Variants in TLK1 observed in about 807,000 individuals in gnomAD.
The protein encoded by TLK1 is tousled like kinase 1.
TLK1 carries 24 observed loss-of-function variants against 105.3 expected under a neutral mutation model. The ratio of observed to expected loss-of-function variants is 0.23; its 90% CI spans 0.17 to 0.32. The LOEUF is 0.32. Among genes scored for constraint, TLK1 ranks in the 10% least tolerant of loss-of-function variants. TLK1 has a pLI of 1.00. For synonymous variants in TLK1, 321 were observed against 310.4 expected (o/e 1.03, Z -0.36); for missense variants, 558 against 910.5 (o/e 0.61, Z 4.98).
At chr2:171,042,993 G>T (rs909122776) in intron 11 of TLK1, among the ~76,000 whole-genome samples, 1 of 151,918 alleles carries the variant, frequency 6.6e-6, no homozygotes, top group Non-Finnish European at 1.5e-5. Context: ...GGTTAAACAT[G>T]GTGAGACATG....
At chr2:171,227,568 CTTTTTTTTTTTTTT>C (rs71401413) in intron 1 of TLK1, among the ~76,000 whole-genome samples, 63 of 55,524 alleles carry the variant, frequency 1.1e-3, no homozygotes, top group African/African-American at 3.3e-3. Context: ...AGTAAATCTC[CTTTTTTTTTTTTTT>C]TTTTTTTTTT....
At chr2:171,124,790 C>G (rs1032827215) in intron 1 of TLK1, among the ~76,000 whole-genome samples, 1 of 152,198 alleles carries the variant, frequency 6.6e-6, no homozygotes, top group African/African-American at 2.4e-5. Context: ...AGTGTTTTCT[C>G]AGCTTTGAAA....
intron 1 of TLK1, among the ~76,000 whole-genome samples, chr2:171,189,248 G>T (rs1333356429): frequency 6.6e-6 from 1 of 150,780 alleles, no homozygotes; most frequent in Non-Finnish European, 1.5e-5. Context: ...CTCACTGCAG[G>T]CTCCACCTCC....
chr2:171,123,405 G>T (rs898319802), intron 1 of TLK1, among the ~76,000 whole-genome samples: 5 of 152,018 alleles, frequency 3.3e-5, no homozygotes, highest in African/African-American at 9.7e-5. Context: ...GTTTCACCAT[G>T]TTGGCCAAGC....
intron 1 of TLK1, chr2:171,155,570 A>G (rs1692201543): frequency 6.6e-6 from 1 of 152,192 alleles, no homozygotes; most frequent in Non-Finnish European, 1.5e-5. Context: ...GGGATTTTTA[A>G]AAAATCACAG....
intron 3 of TLK1, chr2:171,066,787 C>T: frequency 2.0e-6 from 3 of 1,522,872 alleles, no homozygotes; most frequent in Non-Finnish European, 2.7e-6. Flanking sequence ...ATTTGTTAAA[C>T]AGTATATACT....
intron 1 of TLK1, among the ~76,000 whole-genome samples, chr2:171,222,802 A>G (rs1693831735): frequency 1.4e-5 from 2 of 144,522 alleles, no homozygotes; most frequent in Non-Finnish European, 3.0e-5. Flanking sequence ...ATTATTAACT[A>G]TAGTCTATTT....
intron 1 of TLK1, among the ~76,000 whole-genome samples, chr2:171,166,123 T>C (rs1032633088): frequency 6.6e-6 from 1 of 152,242 alleles, no homozygotes; most frequent in African/African-American, 2.4e-5. Context: ...AAGCTACAAG[T>C]TAGAGCTGCT....
intron 1 of TLK1, among the ~76,000 whole-genome samples, chr2:171,207,620 G>A (rs1370541175): frequency 6.6e-6 from 1 of 152,168 alleles, no homozygotes; most frequent in Non-Finnish European, 1.5e-5. Flanking sequence ...GTTTGGAGAT[G>A]GGGGGATATA....
At chr2:171,152,063 C>T (rs1227713158) in intron 1 of TLK1, among the ~76,000 whole-genome samples, 1 of 152,142 alleles carries the variant, frequency 6.6e-6, no homozygotes, top group Non-Finnish European at 1.5e-5. Context: ...GAAGCACTTA[C>T]CTAAGTGTCC....
chr2:171,125,291 G>C (rs112955132), intron 1 of TLK1, among the ~76,000 whole-genome samples: 7 of 152,172 alleles, frequency 4.6e-5, no homozygotes, highest in African/African-American at 1.4e-4. Flanking sequence ...TATATGATTA[G>C]TCTAGTTACT....
At chr2:171,153,399 A>C (rs1220066253) in intron 1 of TLK1, among the ~76,000 whole-genome samples, 1 of 152,240 alleles carries the variant, frequency 6.6e-6, no homozygotes, top group African/African-American at 2.4e-5. Context: ...AAGAATTACT[A>C]AAATAAGCAT....
chr2:171,098,752 T>C (rs1025118193), intron 2 of TLK1, among the ~76,000 whole-genome samples: 3 of 152,062 alleles, frequency 2.0e-5, no homozygotes, highest in African/African-American at 4.8e-5. Flanking sequence ...TCCAGCAACA[T>C]ATAAAAAGGA....
At chr2:171,212,451 C>T (rs1049875655) in intron 1 of TLK1, among the ~76,000 whole-genome samples, 5 of 151,974 alleles carry the variant, frequency 3.3e-5, no homozygotes, top group Admixed American at 3.3e-4. Context: ...TATACCTTTG[C>T]CTGGGTAAAT....
At chr2:171,019,334 G>A (rs1685364925) in intron 12 of TLK1, among the ~76,000 whole-genome samples, 1 of 152,222 alleles carries the variant, frequency 6.6e-6, no homozygotes, top group Non-Finnish European at 1.5e-5. Context: ...TGGTTCCCAT[G>A]TGAAGGAGAT....
intron 1 of TLK1, among the ~76,000 whole-genome samples, chr2:171,183,813 C>T (rs1162761838): frequency 1.3e-5 from 2 of 152,128 alleles, no homozygotes; most frequent in Non-Finnish European, 2.9e-5. Context: ...TTTAATCCAT[C>T]AGTAATTTAT....
intron 1 of TLK1, among the ~76,000 whole-genome samples, chr2:171,169,684 T>C (rs545536242): frequency 6.6e-6 from 1 of 152,146 alleles, no homozygotes; most frequent in Non-Finnish European, 1.5e-5. Flanking sequence ...TTTATAGGAA[T>C]AGCAAGTACT....
At chr2:171,002,570 G>A (rs988543504) in intron 18 of TLK1, among the ~76,000 whole-genome samples, 7 of 151,966 alleles carry the variant, frequency 4.6e-5, no homozygotes, top group Non-Finnish European at 8.8e-5. Flanking sequence ...CACCGCGCCT[G>A]GCCTGCTTTT....
At chr2:171,161,096 C>G (rs1345530641), upstream of TLK1, among the ~76,000 whole-genome samples, 1 of 147,828 alleles carries the variant, frequency 6.8e-6, no homozygotes, top group Admixed American at 6.7e-5. Context: ...AGCGCCGGGG[C>G]GCCCCTGCCG....
Sources: gnomAD v4.1 joint callset for allele counts (sites outside exome capture counted in the v4.1 genomes callset) on GRCh38, gnomAD v4.1.1 for gene constraint, MANE v1.5 for transcripts, NCBI Gene and HGNC (gene_info 2026-07-23, HGNC 2026-07-21) for gene names.